The following SAP30 variants were observed in gnomAD, a reference collection of about 807,000 sequenced individuals.
The protein encoded by SAP30 is Sin3A associated protein 30, also known as histone deacetylase complex subunit SAP30.
SAP30 carries 13 observed loss-of-function variants against 19.6 expected under a neutral mutation model. The observed-to-expected ratio is 0.66, with a 90% CI of 0.43 to 1.05. SAP30 has a LOEUF of 1.05. Among genes scored for constraint, SAP30 ranks in the 50% least tolerant of loss-of-function variants. SAP30 has a pLI of 0.00. For synonymous variants in SAP30, 108 were observed against 122.7 expected (o/e 0.88, Z 0.79); for missense variants, 257 against 292.1 (o/e 0.88, Z 0.88).
chr4:173,374,141 GA>G, intron 3 of SAP30, 104 bp downstream of exon 3: 1 of 559,362 alleles, frequency 1.8e-6, no homozygotes, highest in East Asian at 3.1e-5. Context: ...ATTTTAATTA[GA>G]AAGAACAAAG....
chr4:173,371,524 C>T lies in SAP30; in HGVS notation c.315+27C>T. ...TAAGTAAACCGCGGGACCGCCCTGCCCTCCCGCCCCTCGGTGGGGCCCCAG... is the reference window on the plus strand; with the variant it reads ...TAAGTAAACCGCGGGACCGCCCTGCTCTCCCGCCCCTCGGTGGGGCCCCAG... On this transcript the variant is annotated intron_variant, in intron 1 of 3. Coordinates refer to ENST00000296504, the MANE Select transcript of SAP30 (RefSeq NM_003864.4). This position sits in a 1 kb window ranked among gnomAD's most constrained non-coding sequence, Gnocchi z 6.4. 1.9e-6 allele frequency: 3 copies of T among 1,568,452 alleles called. No individual in the cohort carries two copies. Among genetic ancestry groups the T allele is most frequent in the East Asian group, 4.7e-5 (2 of 42,396 alleles).
rs1738934081 is a variant in SAP30 at position 173,371,539 on chromosome 4, T to G, written c.315+42T>G. Reference sequence around the variant, plus strand: ...ACCGCCCTGCCCTCCCGCCCCTCGGTGGGGCCCCAGGAGCCGGGCAAAGGC... The same window carrying G: ...ACCGCCCTGCCCTCCCGCCCCTCGGGGGGGCCCCAGGAGCCGGGCAAAGGC... On this transcript the variant is annotated intron_variant, in intron 1 of 3. Coordinates refer to ENST00000296504, the MANE Select transcript of SAP30 (RefSeq NM_003864.4). This position sits in a 1 kb window ranked among gnomAD's most constrained non-coding sequence, Gnocchi z 6.4. 6.4e-7 allele frequency: 1 copy of G among 1,557,032 alleles called. No homozygotes were observed. The highest frequency in any genetic ancestry group is 2.4e-5 in the East Asian group (1 of 41,384).
chr4:173,371,302 C>G lies in SAP30; in HGVS notation c.120C>G (p.Thr40=). ...CGGGGAACGGGACCGGCGCGGGCACCGGGGCTGAGGTGCCGGGCGCGGGGG... is the reference window on the plus strand; with the variant it reads ...CGGGGAACGGGACCGGCGCGGGCACGGGGGCTGAGGTGCCGGGCGCGGGGG... ...ASAGNGTGAG[T]GAEVPGAGAV... Residue 40 remains threonine, a synonymous_variant, in exon 1 of 4, where the codon ACC becomes ACG. Coordinates refer to ENST00000296504, the MANE Select transcript of SAP30 (RefSeq NM_003864.4). The surrounding 1 kb of genome is among the most constrained non-coding windows in gnomAD (Gnocchi z 6.4). 3.2e-6 allele frequency: 4 copies of G among 1,242,372 alleles called. No homozygotes were observed. Among genetic ancestry groups the G allele is most frequent in the Non-Finnish European group, 4.0e-6 (4 of 998,862 alleles). The allele number at this position is 1,242,372 out of a possible 1,614,324, so 77.0% of individuals were successfully genotyped here. A position where few individuals can be genotyped will look rare whatever the true frequency, so the allele number is the denominator to read the frequency against.
chr4:173,377,218 A>G lies in SAP30; in HGVS notation c.554A>G (p.His185Arg). The G allele has an allele frequency of 6.3e-7, 1 of 1,588,064 alleles. No homozygotes were observed. Among genetic ancestry groups the G allele is most frequent in the Admixed American group, 1.9e-5 (1 of 53,966 alleles). ...TTTTCTTTGTAGATAGTTGGTTGCC[A>G]CTTTAGGTCTATTCCAGTGAATGAA... ...KAQLVEIVGC[H>R]FRSIPVNEKD... The change falls in exon 4 of 4, where the codon CAC (histidine) becomes CGC (arginine). Residue 185 changes from histidine to arginine, a missense_variant. Physicochemically the swap from His to Arg is conservative, Grantham distance 29. Transcript: ENST00000296504.
intron 3 of SAP30, among the ~76,000 whole-genome samples, chr4:173,375,597 T>C (rs1739021366): frequency 6.6e-6 from 1 of 152,254 alleles, no homozygotes; most frequent in Admixed American, 6.5e-5. Context: ...CTGTAATTTT[T>C]GATAAACTGA....
In SAP30 at chr4:173,371,691, A is replaced by C. The variant is rs1478295139; in HGVS notation, c.315+194A>C. On this transcript the variant is annotated intron_variant, in intron 1 of 3. Coordinates refer to ENST00000296504, the MANE Select transcript of SAP30 (RefSeq NM_003864.4). The surrounding 1 kb of genome is among the most constrained non-coding windows in gnomAD (Gnocchi z 6.4). ...CGCCACCCCAACACACACACCACAC[A>C]CAGGCTGTCGTTCCCCTCTTCTTTC... Among the ~76,000 whole-genome samples the C allele has an allele frequency of 6.6e-6, 1 of 151,992 alleles. No individual in the cohort carries two copies. The highest frequency in any genetic ancestry group is 1.5e-5 in the Non-Finnish European group (1 of 67,990).
chr4:173,371,042 C>T lies in SAP30; in HGVS notation c.-141C>T. On this transcript the variant is annotated 5_prime_UTR_variant, in exon 1 of 4. Transcript: ENST00000296504. This position sits in a 1 kb window ranked among gnomAD's most constrained non-coding sequence, Gnocchi z 6.4. ...CTGTTTCGGTGCCAGCAGAGACCAG[C>T]AGGCCCGGGACAGTTGGTGTTTGGC... 1 of 970,310 alleles carries T rather than the reference C, an allele frequency of 1.0e-6. No homozygotes were observed. Among genetic ancestry groups the T allele is most frequent in the Non-Finnish European group, 1.4e-6 (1 of 727,904 alleles). The allele number at this position is 970,310 out of a possible 1,614,324, so 60.1% of individuals were successfully genotyped here.
intron 3 of SAP30, among the ~76,000 whole-genome samples, chr4:173,376,813 G>A (rs1014678916): frequency 3.6e-4 from 54 of 151,888 alleles, no homozygotes; most frequent in African/African-American, 1.3e-3. Context: ...GTAGAGATGG[G>A]GTTTCGTCAT....
In SAP30 at chr4:173,373,899, A is replaced by G. The variant is rs188956437; in HGVS notation, c.442-40A>G. ...TACATATCAATGATAAATTTTCAAC[A>G]AATTGTATGAACTCATTTATACATG... On this transcript the variant is annotated intron_variant, in intron 2 of 3. Coordinates refer to ENST00000296504, the MANE Select transcript of SAP30 (RefSeq NM_003864.4). 1.1e-3 allele frequency: 1,066 copies of G among 1,001,342 alleles called. 8 individuals carry two copies. The African/African-American group carries it at 0.016, about 15-fold the overall frequency. The allele number at this position is 1,001,342 out of a possible 1,614,324, so 62.0% of individuals were successfully genotyped here. A position where few individuals can be genotyped will look rare whatever the true frequency, so the allele number is the denominator to read the frequency against.
intron 3 of SAP30, among the ~76,000 whole-genome samples, chr4:173,375,664 A>G (rs117589724): frequency 1.3e-5 from 2 of 152,194 alleles, no homozygotes; most frequent in African/African-American, 4.8e-5. Flanking sequence ...TACATAAGAG[A>G]TAGCCATGAG....
In SAP30 at chr4:173,371,590, A is replaced by T; in HGVS notation, c.315+93A>T. Reference sequence around the variant, plus strand: ...ACGGGTTGTCGGCGGGGTCCCCCAGACAACCGCACTGGCTGCAGTGCGGTC... The same window carrying T: ...ACGGGTTGTCGGCGGGGTCCCCCAGTCAACCGCACTGGCTGCAGTGCGGTC... On this transcript the variant is annotated intron_variant, in intron 1 of 3. Transcript: ENST00000296504. This position sits in a 1 kb window ranked among gnomAD's most constrained non-coding sequence, Gnocchi z 6.4. 6.6e-7 allele frequency: 1 copy of T among 1,505,410 alleles called. No homozygotes were observed. Among genetic ancestry groups the T allele is most frequent in the Non-Finnish European group, 8.9e-7 (1 of 1,125,776 alleles). The allele number at this position is 1,505,410 out of a possible 1,614,324, so 93.3% of individuals were successfully genotyped here.
Position 173,371,752 on chromosome 4 carries a change from C to T in SAP30, c.315+255C>T, listed in dbSNP as rs1384988696. On this transcript the variant is annotated intron_variant, in intron 1 of 3. Coordinates refer to ENST00000296504, the MANE Select transcript of SAP30 (RefSeq NM_003864.4). The surrounding 1 kb of genome is among the most constrained non-coding windows in gnomAD (Gnocchi z 6.4). ...CCCCAACCTCCCGCTGCCTGCGTCT[C>T]TCCCGCGCAGTCTTCCCTCTTCCTT... Among the ~76,000 whole-genome samples the T allele has an allele frequency of 6.6e-6, 1 of 152,212 alleles. No individual in the cohort carries two copies. Among genetic ancestry groups the T allele is most frequent in the Non-Finnish European group, 1.5e-5 (1 of 68,036 alleles).
At chr4:173,374,321 G>GCTGGAGTGC (rs1739000743) in intron 3 of SAP30, among the ~76,000 whole-genome samples, 1 of 152,142 alleles carries the variant, frequency 6.6e-6, no homozygotes, top group South Asian at 2.1e-4. Flanking sequence ...TGTCACCCAG[G>GCTGGAGTGC]CTGGAGTGCA....
At position 173,373,921 on chromosome 4, in the gene SAP30, C is replaced by T. The variant is rs749565636; in HGVS notation, c.442-18C>T. On this transcript the variant is annotated intron_variant, in intron 2 of 3. Coordinates refer to ENST00000296504, the MANE Select transcript of SAP30 (RefSeq NM_003864.4). ...AACAAATTGTATGAACTCATTTATA[C>T]ATGTTAATTTTTTCTAGGTTGATTT... The T allele has an allele frequency of 3.2e-6, 4 of 1,252,402 alleles. No homozygotes were observed. Among genetic ancestry groups the T allele is most frequent in the African/African-American group, 3.1e-5 (2 of 65,430 alleles). 77.6% of individuals were successfully genotyped at this position (1,252,402 alleles called of 1,614,324 possible).
chr4:173,372,645 A>G (rs934740206), intron 1 of SAP30, among the ~76,000 whole-genome samples: 1 of 152,260 alleles, frequency 6.6e-6, no homozygotes, highest in African/African-American at 2.4e-5. Flanking sequence ...ACTGGAAAGC[A>G]TACATTATAT....
Position 173,371,114 on chromosome 4 carries a change from A to G in SAP30, c.-69A>G. 1 of 1,383,182 alleles carries G rather than the reference A, an allele frequency of 7.2e-7. No individual in the cohort carries two copies. 85.7% of individuals were successfully genotyped at this position (1,383,182 alleles called of 1,614,324 possible). A position where few individuals can be genotyped will look rare whatever the true frequency, so the allele number is the denominator to read the frequency against. On this transcript the variant is annotated 5_prime_UTR_variant, in exon 1 of 4. Transcript: ENST00000296504. The surrounding 1 kb of genome is among the most constrained non-coding windows in gnomAD (Gnocchi z 6.4). ...GTGCAGAGTGAATTGCCGCTGCCGG[A>G]GCGGAGAGAGGCGGAGCGGCCAGGA...
chr4:173,371,404 G>T lies in SAP30; in HGVS notation c.222G>T (p.Glu74Asp). Residue 74 changes from glutamate (E) to aspartate (D), a missense_variant, in exon 1 of 4, where the codon GAG (glutamate) becomes GAT (aspartate). Transcript: ENST00000296504. This position sits in a 1 kb window ranked among gnomAD's most constrained non-coding sequence, Gnocchi z 6.4. ...TGTGCTGCCTGCGGGAGGATGGTGAGCGGTGCGGCCGGGCGGCAGGCAACG... is the reference window on the plus strand; with the variant it reads ...TGTGCTGCCTGCGGGAGGATGGTGATCGGTGCGGCCGGGCGGCAGGCAACG... The part of the protein sequence containing the change: ...GQLCCLREDG[E>D]RCGRAAGNAS... The T allele has an allele frequency of 6.3e-7, 1 of 1,589,094 alleles. No individual in the cohort carries two copies. Among genetic ancestry groups the T allele is most frequent in the Non-Finnish European group, 8.5e-7 (1 of 1,174,892 alleles).
chr4:173,373,256 T>C, intron 1 of SAP30, 134 bp from the exon 2 acceptor site: 4 of 668,404 alleles, frequency 6.0e-6, no homozygotes, highest in Non-Finnish European at 9.4e-6. Flanking sequence ...AACGTATAAA[T>C]ATTCCATTAT....
At chr4:173,373,850 C>T in intron 2 of SAP30, 89 bp from the exon 3 acceptor site, 2 of 568,940 alleles carry the variant, frequency 3.5e-6, no homozygotes, top group Non-Finnish European at 5.9e-6. Context: ...TTTTATTGTG[C>T]TGAAGTTAAA....
Sources: allele counts gnomAD v4.1 joint callset (sites outside exome capture counted in the v4.1 genomes callset), GRCh38; gene constraint gnomAD v4.1.1; non-coding constraint Gnocchi (gnomAD v3.1); transcripts MANE v1.5; gene names NCBI Gene and HGNC (gene_info 2026-07-23, HGNC 2026-07-21).